The following ARHGAP35 variants were observed in gnomAD, a reference collection of about 807,000 sequenced individuals.
ARHGAP35 encodes Rho GTPase activating protein 35.
Under a neutral mutation model 111.1 loss-of-function variants are expected in ARHGAP35, and 15 were observed. That is an observed-to-expected ratio of 0.13 (90% CI 0.09 to 0.21). The LOEUF (loss-of-function observed/expected upper bound fraction) is 0.21. Among genes scored for constraint, ARHGAP35 ranks in the 10% least tolerant of loss-of-function variants. The probability of loss-of-function intolerance (pLI) is 1.00; values close to 1 mark genes in which losing one functional copy is unlikely to be tolerated. For synonymous variants in ARHGAP35, 643 were observed against 710.3 expected, an observed-to-expected ratio of 0.91 and a Z score of 1.51; for missense variants, 1,262 against 1,873.0, an observed-to-expected ratio of 0.67 and a Z score of 6.02.
In ARHGAP35 at chr19:46,919,923, C is replaced by T. The variant is rs987435929; in HGVS notation, c.1248C>T (p.Tyr416=). 12 of 1,613,798 alleles carry T rather than the reference C, an allele frequency of 7.4e-6. No individual in the cohort carries two copies. Among genetic ancestry groups the T allele is most frequent in the South Asian group, 2.2e-5 (2 of 91,080 alleles). ...LMDTVPAEQL[Y]EAHLEKLRNE... ...ATACCGTCCCTGCAGAGCAGCTATA[C>T]GAGGCCCACTTAGAGAAGCTGAGGA... is the stretch of plus-strand genomic sequence containing the variant. Residue 416 remains tyrosine (Y), a synonymous_variant, in exon 2 of 7, where the codon TAC becomes TAT. Coordinates refer to ENST00000672722, the MANE Select transcript of ARHGAP35 (RefSeq NM_004491.5). This position sits in a 1 kb window ranked among gnomAD's most constrained non-coding sequence, Gnocchi z 6.2.
intron 3 of ARHGAP35, among the ~76,000 whole-genome samples, chr19:46,979,374 G>A (rs1351093824): frequency 6.6e-6 from 1 of 152,122 alleles, no homozygotes; most frequent in African/African-American, 2.4e-5. Context: ...GAGCGCAGTC[G>A]GCTCACCTCG....
intron 1 of ARHGAP35, among the ~76,000 whole-genome samples, chr19:46,895,102 TA>T (rs1180489426): frequency 2.0e-5 from 3 of 151,988 alleles, no homozygotes; most frequent in Non-Finnish European, 4.4e-5. Context: ...ACTTTCTGTG[TA>T]AATAGAAATG....
rs549713523 is a variant in ARHGAP35 at position 46,875,271 on chromosome 19, G to A, written c.-189+14062G>A. On this transcript the variant is annotated intron_variant, in intron 1 of 6. Coordinates refer to ENST00000672722, the MANE Select transcript of ARHGAP35 (RefSeq NM_004491.5). ...AGTAACAGATCTTCAGTTCAAGGAG[G>A]TTGGCGTTCAGACATCAGGAAGAAA... 6.6e-5 allele frequency among the ~76,000 whole-genome samples: 10 copies of A among 152,232 alleles called. No individual in the cohort carries two copies. In the South Asian group the frequency reaches 8.3e-4, roughly 13 times the overall value.
At chr19:46,869,029 C>G (rs529513661) in intron 1 of ARHGAP35, among the ~76,000 whole-genome samples, 1 of 150,734 alleles carries the variant, frequency 6.6e-6, no homozygotes, top group African/African-American at 2.4e-5. Context: ...CTTCAGCCTC[C>G]GAAGTAGCTG....
At chr19:46,957,054 C>A (rs181409162) in intron 3 of ARHGAP35, among the ~76,000 whole-genome samples, 1 of 151,398 alleles carries the variant, frequency 6.6e-6, no homozygotes, top group African/African-American at 2.4e-5. Flanking sequence ...CTCCGCCTCC[C>A]GGGTTCACAC....
At chr19:46,976,948 C>G (rs1048519325) in intron 3 of ARHGAP35, among the ~76,000 whole-genome samples, 3 of 152,220 alleles carry the variant, frequency 2.0e-5, no homozygotes, top group Non-Finnish European at 2.9e-5. Flanking sequence ...CTCTATAACC[C>G]CTGTCAGTTT....
chr19:46,938,850 G>A (rs2056327026), intron 3 of ARHGAP35, among the ~76,000 whole-genome samples: 2 of 150,558 alleles, frequency 1.3e-5, no homozygotes, highest in South Asian at 4.2e-4. Flanking sequence ...TAGAGATAGG[G>A]TTTCACCACA....
chr19:46,937,485 G>A, intron 3 of ARHGAP35, 77 bp downstream of exon 3: 1 of 1,510,918 alleles, frequency 6.6e-7, no homozygotes, highest in African/African-American at 1.4e-5. Flanking sequence ...GCCATCTGGA[G>A]ATTCTGGAAT....
chr19:46,907,368 T>C (rs2056114332), intron 1 of ARHGAP35, among the ~76,000 whole-genome samples: 2 of 152,056 alleles, frequency 1.3e-5, no homozygotes, highest in Non-Finnish European at 2.9e-5. Context: ...GCCAGGATGG[T>C]CTCGATCTCC....
chr19:46,981,645 A>C (rs1363429169), intron 3 of ARHGAP35, among the ~76,000 whole-genome samples: 5 of 152,104 alleles, frequency 3.3e-5, no homozygotes, highest in Non-Finnish European at 7.4e-5. Context: ...CCTGAGGGGC[A>C]TCTCTCCATT....
intron 1 of ARHGAP35, among the ~76,000 whole-genome samples, chr19:46,895,754 A>G (rs190403295): frequency 2.6e-5 from 4 of 152,274 alleles, no homozygotes; most frequent in Admixed American, 2.0e-4. Flanking sequence ...CCAGGTCCCA[A>G]TGCCCTTGTC....
chr19:46,901,783 T>G lies in ARHGAP35; in HGVS notation c.-188-16705T>G, dbSNP rs553890554. On this transcript the variant is annotated intron_variant, in intron 1 of 6. Transcript: ENST00000672722. The surrounding 1 kb of genome is among the most constrained non-coding windows in gnomAD (Gnocchi z 4.5). ...ATACTTGCATGCACTTAGGTTATCATTAGCCCCTAGAGACTTACCTGTCTC... is the reference window on the plus strand; with the variant it reads ...ATACTTGCATGCACTTAGGTTATCAGTAGCCCCTAGAGACTTACCTGTCTC... Among the ~76,000 whole-genome samples the G allele has an allele frequency of 6.6e-6, 1 of 152,298 alleles. No individual in the cohort carries two copies. Among genetic ancestry groups the G allele is most frequent in the South Asian group, 2.1e-4 (1 of 4,822 alleles).
At chr19:46,866,021 A>G (rs890300606) in intron 1 of ARHGAP35, among the ~76,000 whole-genome samples, 5 of 151,996 alleles carry the variant, frequency 3.3e-5, no homozygotes, top group African/African-American at 1.2e-4. Context: ...TTGTATTTTT[A>G]GTAGAGATGG....
At chr19:46,903,441 C>T (rs1217556279) in intron 1 of ARHGAP35, among the ~76,000 whole-genome samples, 4 of 152,096 alleles carry the variant, frequency 2.6e-5, no homozygotes, top group East Asian at 1.9e-4. Flanking sequence ...GGTGAGGCCA[C>T]GGAGGGAACC....
chr19:46,882,056 T>A (rs2122136809), intron 1 of ARHGAP35, among the ~76,000 whole-genome samples: 1 of 152,330 alleles, frequency 6.6e-6, no homozygotes, highest in Non-Finnish European at 1.5e-5. Context: ...GTTAGGGTCT[T>A]GCTCTGGATT....
chr19:46,922,660 A>G lies in ARHGAP35; in HGVS notation c.3681+304A>G, dbSNP rs574330488. ...TGACAAGTGGCCAAGCGCAGTGACA[A>G]TACACTTGCTCTCCCTTCACTGAAA... On this transcript the variant is annotated intron_variant, in intron 2 of 6. Coordinates refer to ENST00000672722, the MANE Select transcript of ARHGAP35 (RefSeq NM_004491.5). The surrounding 1 kb of genome is among the most constrained non-coding windows in gnomAD (Gnocchi z 4.0). 6.6e-6 allele frequency among the ~76,000 whole-genome samples: 1 copy of G among 152,318 alleles called. No homozygotes were observed. The highest frequency in any genetic ancestry group is 1.5e-5 in the Non-Finnish European group (1 of 68,022).
chr19:46,905,566 C>A (rs111452203), intron 1 of ARHGAP35, among the ~76,000 whole-genome samples: 98 of 148,094 alleles, frequency 6.6e-4, no homozygotes, highest in East Asian at 1.4e-3. Context: ...CCCCCCCCCC[C>A]CAAGACAGAG....
Position 46,861,553 on chromosome 19 carries a change from T to C in ARHGAP35, c.-189+344T>C, listed in dbSNP as rs578092715. Among the ~76,000 whole-genome samples the C allele has an allele frequency of 1.1e-4, 15 of 138,226 alleles. No homozygotes were observed. In the South Asian group the frequency reaches 3.1e-3, roughly 29 times the overall value. The allele number at this position is 138,226 out of a possible 152,430, so 90.7% of individuals were successfully genotyped here. A position where few individuals can be genotyped will look rare whatever the true frequency, so the allele number is the denominator to read the frequency against. On this transcript the variant is annotated intron_variant, in intron 1 of 6. Coordinates refer to ENST00000672722, the MANE Select transcript of ARHGAP35 (RefSeq NM_004491.5). ...CCGGTTCCCAATTCTGCGCCCCCCT[T>C]CCCCCTTCCACCCCTCCATAATGCC... is the stretch of plus-strand genomic sequence containing the variant.
intron 1 of ARHGAP35, among the ~76,000 whole-genome samples, chr19:46,881,867 G>A (rs544751541): frequency 6.6e-6 from 1 of 152,172 alleles, no homozygotes; most frequent in African/African-American, 2.4e-5. Flanking sequence ...ATCAAGGTGG[G>A]CTAGGTCTTC....
Sources: gnomAD v4.1 joint callset for allele counts (sites outside exome capture counted in the v4.1 genomes callset) on GRCh38, gnomAD v4.1.1 for gene constraint, Gnocchi (gnomAD v3.1) non-coding constraint, MANE v1.5 for transcripts, NCBI Gene and HGNC (gene_info 2026-07-23, HGNC 2026-07-21) for gene names.